ATP9B: variants seen among roughly 807,000 people sequenced by gnomAD.
ATP9B encodes probable phospholipid-transporting ATPase IIB.
Under a neutral mutation model 146.1 loss-of-function variants are expected in ATP9B, and 110 were observed. That is an observed-to-expected ratio of 0.75 (90% CI 0.65 to 0.88). ATP9B has a LOEUF of 0.88. Ranked by LOEUF, ATP9B falls within the 40% of genes least tolerant of loss-of-function variation. The pLI, the probability that ATP9B is intolerant of heterozygous loss-of-function variation, is 0.00. For synonymous variants in ATP9B, 604 were observed against 569.7 expected (o/e 1.06, Z -0.86); for missense variants, 1,499 against 1,496.4 (o/e 1.00, Z -0.03).
intron 7 of ATP9B, among the ~76,000 whole-genome samples, chr18:79,168,199 A>G (rs2095010296): frequency 6.6e-6 from 1 of 152,180 alleles, no homozygotes; most frequent in African/African-American, 2.4e-5. Context: ...CCGGAAAGCC[A>G]AGAAAAATAG....
At chr18:79,172,036 A>G (rs141239945) in intron 7 of ATP9B, among the ~76,000 whole-genome samples, 4,893 of 152,126 alleles carry the variant, frequency 0.032, 118 homozygotes, top group Non-Finnish European at 0.042. Flanking sequence ...TTACAGGCAC[A>G]CACCACCATA....
chr18:79,083,203 T>C (rs1181802382), intron 1 of ATP9B, among the ~76,000 whole-genome samples: 1 of 152,220 alleles, frequency 6.6e-6, no homozygotes, highest in Non-Finnish European at 1.5e-5. Flanking sequence ...TTGTTTACAC[T>C]GTGAGGGGAA....
At chr18:79,152,897 C>T (rs1332367908) in intron 6 of ATP9B, among the ~76,000 whole-genome samples, 1 of 152,104 alleles carries the variant, frequency 6.6e-6, no homozygotes, top group African/African-American at 2.4e-5. Context: ...TTGGTATAAT[C>T]GTCTATCTTG....
At chr18:79,096,316 A>T in intron 1 of ATP9B, among the ~76,000 whole-genome samples, 160 bp from the exon 2 acceptor site, 1 of 151,988 alleles carries the variant, frequency 6.6e-6, no homozygotes, top group East Asian at 1.9e-4. Context: ...ACCTTAGCTA[A>T]CTTATTCCTT....
intron 15 of ATP9B, among the ~76,000 whole-genome samples, chr18:79,317,957 G>C (rs1022431904): frequency 6.6e-6 from 1 of 152,224 alleles, no homozygotes; most frequent in African/African-American, 2.4e-5. Flanking sequence ...TGTGTCGGAG[G>C]GACACAGAAG....
Position 79,330,279 on chromosome 18 carries a change from A to G in ATP9B, c.2028+175A>G, listed in dbSNP as rs556834273. Among the ~76,000 whole-genome samples, 53 of 152,330 alleles carry G rather than the reference A, an allele frequency of 3.5e-4. 1 individual carries two copies. In the South Asian group the frequency reaches 9.9e-3, roughly 29 times the overall value. On this transcript the variant is annotated intron_variant, in intron 17 of 29. Coordinates refer to ENST00000426216, the MANE Select transcript of ATP9B (RefSeq NM_198531.5). Reference sequence around the variant, plus strand: ...TCATTGGATGAATTGAGCTGTCAAAATGTCAAACCAGATGCTGATGGGAAC... The same window carrying G: ...TCATTGGATGAATTGAGCTGTCAAAGTGTCAAACCAGATGCTGATGGGAAC...
intron 20 of ATP9B, among the ~76,000 whole-genome samples, chr18:79,342,969 ATG>A (rs1485061348): frequency 6.6e-6 from 1 of 152,202 alleles, no homozygotes; most frequent in Admixed American, 6.5e-5. Flanking sequence ...ATCTAAGTTT[ATG>A]TGTTTACTGT....
chr18:79,110,382 T>C lies in ATP9B; in HGVS notation c.321T>C (p.Cys107=). 5 of 1,607,012 alleles carry C rather than the reference T, an allele frequency of 3.1e-6. 1 individual carries two copies. In the South Asian group the frequency reaches 4.4e-5, roughly 14 times the overall value. The part of the protein sequence containing the change: ...TSCCGWLINI[C]RRKKELKART... ...GCTGTGGTTGGCTGATAAATATTTG[T>C]CGAAGAAAGAAAGAGCTGAAAGCTC... Residue 107 remains cysteine (C), a synonymous_variant, in exon 3 of 30, where the codon TGT becomes TGC. Coordinates refer to ENST00000426216, the MANE Select transcript of ATP9B (RefSeq NM_198531.5).
At chr18:79,101,940 T>C (rs1324492706) in intron 2 of ATP9B, among the ~76,000 whole-genome samples, 1 of 147,922 alleles carries the variant, frequency 6.8e-6, no homozygotes, top group Non-Finnish European at 1.5e-5. Flanking sequence ...CTTTCCTTTT[T>C]ATTTTATTTT....
At chr18:79,369,435 A>C (rs939267789) in intron 26 of ATP9B, among the ~76,000 whole-genome samples, 3 of 147,586 alleles carry the variant, frequency 2.0e-5, no homozygotes, top group Non-Finnish European at 4.4e-5. Context: ...CGGGAGGCTG[A>C]GGTAGGAGAA....
intron 11 of ATP9B, among the ~76,000 whole-genome samples, chr18:79,220,029 G>A (rs1372559582): frequency 6.6e-6 from 1 of 152,168 alleles, no homozygotes; most frequent in Non-Finnish European, 1.5e-5. Context: ...ATGTTCAGGA[G>A]CCCCAACGCA....
At chr18:79,294,230 T>C (rs2096531153) in intron 13 of ATP9B, among the ~76,000 whole-genome samples, 1 of 152,256 alleles carries the variant, frequency 6.6e-6, no homozygotes, top group South Asian at 2.1e-4. Context: ...CAGAGTTCTC[T>C]TCTCCAGAAA....
chr18:79,201,880 A>C (rs371989510), intron 9 of ATP9B, among the ~76,000 whole-genome samples: 1 of 151,248 alleles, frequency 6.6e-6, no homozygotes, highest in Admixed American at 6.6e-5. Flanking sequence ...ATTTAAAAAA[A>C]TTTTTTTTTT....
At chr18:79,352,432 A>T (rs945688092) in intron 25 of ATP9B, 3 of 152,262 alleles carry the variant, frequency 2.0e-5, no homozygotes, top group African/African-American at 7.2e-5. Flanking sequence ...CAGCCGTGAT[A>T]AACAGATTTA....
At chr18:79,272,904 A>G (rs1175464316) in intron 12 of ATP9B, among the ~76,000 whole-genome samples, 2 of 152,240 alleles carry the variant, frequency 1.3e-5, no homozygotes, top group African/African-American at 4.8e-5. Context: ...CAATACAGGT[A>G]AAACACAGTT....
intron 2 of ATP9B, among the ~76,000 whole-genome samples, chr18:79,107,271 TGGTAG>T (rs1324947695): frequency 6.6e-6 from 1 of 152,222 alleles, no homozygotes; most frequent in Non-Finnish European, 1.5e-5. Context: ...ATGTCCATTA[TGGTAG>T]CCACTAGCCA....
At chr18:79,325,084 C>A (rs539210735) in intron 15 of ATP9B, among the ~76,000 whole-genome samples, 1 of 152,302 alleles carries the variant, frequency 6.6e-6, no homozygotes, top group East Asian at 1.9e-4. Context: ...GAGCCCCTCT[C>A]CCAGGTTCTG....
intron 13 of ATP9B, among the ~76,000 whole-genome samples, chr18:79,288,528 T>C (rs1448722935): frequency 2.6e-5 from 4 of 152,098 alleles, no homozygotes; most frequent in African/African-American, 9.7e-5. Context: ...GAGATGGGTT[T>C]CCTGAATACA....
Position 79,329,264 on chromosome 18 carries a change from T to A in ATP9B, c.1897T>A (p.Phe633Ile), listed in dbSNP as rs1381066632. ...LSFCILQLFP[F>I]TSESKRMGVI... ...CTTCTGCATTCTGCAGCTGTTTCCC[T>A]TCACCTCCGAGAGCAAGCGGATGGG... is the stretch of plus-strand genomic sequence containing the variant. Residue 633 changes from phenylalanine (F) to isoleucine (I), a missense_variant, in exon 16 of 30, where the codon TTC (phenylalanine) becomes ATC (isoleucine). Coordinates refer to ENST00000426216, the MANE Select transcript of ATP9B (RefSeq NM_198531.5). 6.2e-7 allele frequency: 1 copy of A among 1,611,938 alleles called. No homozygotes were observed. The highest frequency in any genetic ancestry group is 1.7e-5 in the Admixed American group (1 of 59,794).
Sources: gnomAD v4.1 joint callset for allele counts (sites outside exome capture counted in the v4.1 genomes callset) on GRCh38, gnomAD v4.1.1 for gene constraint, MANE v1.5 for transcripts, NCBI Gene and HGNC (gene_info 2026-07-23, HGNC 2026-07-21) for gene names.